Variants in ADTRP observed in about 807,000 individuals in gnomAD.
ADTRP encodes the protein androgen-dependent TFPI-regulating protein.
ADTRP carries 20 observed loss-of-function variants against 27.0 expected under a neutral mutation model. The ratio of observed to expected loss-of-function variants is 0.74; its 90% CI spans 0.52 to 1.08. The LOEUF (loss-of-function observed/expected upper bound fraction) is 1.08. Ranked by LOEUF, ADTRP falls within the 50% of genes least tolerant of loss-of-function variation. ADTRP has a pLI of 0.00. For synonymous variants in ADTRP, 101 were observed against 105.2 expected, an observed-to-expected ratio of 0.96 and a Z score of 0.25; for missense variants, 251 against 275.0, an observed-to-expected ratio of 0.91 and a Z score of 0.62.
At chr6:11,731,397 C>A (rs1581322194) in intron 4 of ADTRP, among the ~76,000 whole-genome samples, 1 of 152,296 alleles carries the variant, frequency 6.6e-6, no homozygotes, top group South Asian at 2.1e-4. Flanking sequence ...ACTGCTCACC[C>A]TTGCTTCCAC....
At chr6:11,766,202 A>G (rs1581365298) in intron 3 of ADTRP, 72 bp downstream of exon 3, 1 of 1,128,576 alleles carries the variant, frequency 8.9e-7, no homozygotes. Context: ...GGAAACATAG[A>G]TAAGGCACTG....
intron 3 of ADTRP, chr6:11,736,519 AC>A (rs1762560821): frequency 6.6e-6 from 1 of 152,390 alleles, no homozygotes; most frequent in South Asian, 2.1e-4. Flanking sequence ...ATACACACAC[AC>A]AACCCCCCTG....
chr6:11,747,226 C>T (rs534180249), intron 3 of ADTRP, among the ~76,000 whole-genome samples: 1 of 152,300 alleles, frequency 6.6e-6, no homozygotes, highest in Non-Finnish European at 1.5e-5. Context: ...CAGAATAATA[C>T]AATGTGGCTT....
intron 5 of ADTRP, among the ~76,000 whole-genome samples, chr6:11,716,968 C>T (rs1339241953): frequency 6.6e-6 from 1 of 150,974 alleles, no homozygotes; most frequent in Non-Finnish European, 1.5e-5. Flanking sequence ...TCAAGTGATC[C>T]ACCCGCCTCG....
chr6:11,753,967 C>T (rs1207319039), intron 3 of ADTRP, among the ~76,000 whole-genome samples: 2 of 152,294 alleles, frequency 1.3e-5, no homozygotes, highest in East Asian at 1.9e-4. Flanking sequence ...GATGCACCAA[C>T]ACACCCAGAG....
chr6:11,768,425 A>G, intron 1 of ADTRP, 42 bp from the exon 2 acceptor site: 1 of 1,609,922 alleles, frequency 6.2e-7, no homozygotes, highest in South Asian at 1.1e-5. Context: ...CATTTACTTT[A>G]ATTAATACCT....
intron 3 of ADTRP, among the ~76,000 whole-genome samples, chr6:11,756,229 G>T (rs1317461200): frequency 1.3e-5 from 2 of 152,126 alleles, no homozygotes; most frequent in African/African-American, 4.8e-5. Flanking sequence ...GGCGTTGCAT[G>T]TGCCCATGTG....
intron 3 of ADTRP, chr6:11,755,211 T>G: frequency 2.9e-6 from 1 of 347,370 alleles, no homozygotes; most frequent in Non-Finnish European, 4.0e-6. Context: ...ACATCTATAC[T>G]TTTTTGATCA....
At chr6:11,773,289 C>T (rs2235389) in intron 1 of ADTRP, among the ~76,000 whole-genome samples, 3 of 151,940 alleles carry the variant, frequency 2.0e-5, no homozygotes, top group Non-Finnish European at 2.9e-5. Context: ...GTATTTTACA[C>T]GATGCAGGTC....
At chr6:11,745,760 G>A (rs1762847475) in intron 3 of ADTRP, among the ~76,000 whole-genome samples, 1 of 152,102 alleles carries the variant, frequency 6.6e-6, no homozygotes, top group Non-Finnish European at 1.5e-5. Flanking sequence ...CTACATGTGA[G>A]AGGTTACTTT....
chr6:11,719,781 G>A (rs1002681595), intron 5 of ADTRP, among the ~76,000 whole-genome samples: 2 of 152,186 alleles, frequency 1.3e-5, no homozygotes, highest in African/African-American at 2.4e-5. Context: ...ATCTCTGTCC[G>A]TCTGCTATCG....
rs55961408 is a variant in ADTRP at position 11,715,806 on chromosome 6, C to CTTTTTTTTTTTTTTT, written c.659-1309_659-1295dup. Among the ~76,000 whole-genome samples the CTTTTTTTTTTTTTTT allele has an allele frequency of 6.4e-5, 5 of 77,700 alleles. 1 individual carries two copies. The highest frequency in any genetic ancestry group is 8.8e-5 in the Non-Finnish European group (4 of 45,558). 51.0% of individuals were successfully genotyped at this position (77,700 alleles called of 152,430 possible). ...TAGAGGTGCACACCACCATGCCCAGCTTTTTTTTTTTTTTTTTTTTTTTTT... is the reference window on the plus strand; with the variant it reads ...TAGAGGTGCACACCACCATGCCCAGCTTTTTTTTTTTTTTTTTTTTTTTTTTTTTTTTTTTTTTTT... On this transcript the variant is annotated intron_variant, in intron 5 of 5. Transcript: ENST00000414691.
intron 3 of ADTRP, among the ~76,000 whole-genome samples, chr6:11,763,089 C>T (rs1432258329): frequency 1.3e-5 from 2 of 152,178 alleles, no homozygotes; most frequent in Non-Finnish European, 2.9e-5. Context: ...ATTAAGGTGC[C>T]CTGTCCACGG....
intron 5 of ADTRP, among the ~76,000 whole-genome samples, chr6:11,717,873 A>G (rs1761882414): frequency 6.6e-6 from 1 of 152,256 alleles, no homozygotes; most frequent in Admixed American, 6.5e-5. Context: ...AATTTTTGCC[A>G]TTGACTAAAT....
At chr6:11,772,483 C>G (rs117812826) in intron 1 of ADTRP, among the ~76,000 whole-genome samples, 2 of 152,348 alleles carry the variant, frequency 1.3e-5, no homozygotes, top group East Asian at 3.9e-4. Flanking sequence ...TCTCTTTAAA[C>G]TACCTTAGGA....
chr6:11,732,503 G>A (rs1042452195), intron 4 of ADTRP, among the ~76,000 whole-genome samples: 1 of 152,200 alleles, frequency 6.6e-6, no homozygotes, highest in Non-Finnish European at 1.5e-5. Flanking sequence ...ACTGCGTAAG[G>A]GTGGGGTTGG....
At chr6:11,771,559 G>A (rs541631408) in intron 1 of ADTRP, among the ~76,000 whole-genome samples, 3 of 152,268 alleles carry the variant, frequency 2.0e-5, no homozygotes, top group Admixed American at 6.5e-5. Flanking sequence ...CTCCAAAGAC[G>A]ATGCAATGTT....
chr6:11,732,939 C>A (rs1341067083), intron 4 of ADTRP, among the ~76,000 whole-genome samples: 1 of 152,206 alleles, frequency 6.6e-6, no homozygotes, highest in African/African-American at 2.4e-5. Flanking sequence ...AAATACCTGG[C>A]CATGTAAACA....
intron 1 of ADTRP, among the ~76,000 whole-genome samples, chr6:11,772,038 T>C (rs183696360): frequency 3.3e-4 from 51 of 152,364 alleles, no homozygotes; most frequent in African/African-American, 1.2e-3. Context: ...TCGCCACAAC[T>C]GGTCTTCTTT....
Sources: gnomAD v4.1 joint callset for allele counts (sites outside exome capture counted in the v4.1 genomes callset) on GRCh38, gnomAD v4.1.1 for gene constraint, MANE v1.5 for transcripts, NCBI Gene and HGNC (gene_info 2026-07-23, HGNC 2026-07-21) for gene names.